Variants in TRAPPC9 observed in about 807,000 individuals in gnomAD.
TRAPPC9 encodes the protein IKK2 binding protein.
A neutral mutation model predicts 124.0 loss-of-function variants in TRAPPC9; 83 were observed. The observed-to-expected ratio is 0.67, with a 90% CI of 0.56 to 0.80. The LOEUF (loss-of-function observed/expected upper bound fraction) is 0.80. Ranked by LOEUF, TRAPPC9 falls within the 30% of genes least tolerant of loss-of-function variation. The probability of loss-of-function intolerance (pLI) is 0.00; values close to 1 mark genes in which losing one functional copy is unlikely to be tolerated. For missense variants in TRAPPC9, 1,302 were observed against 1,508.3 expected (o/e 0.86, Z 2.27); for synonymous variants, 638 against 617.5 (o/e 1.03, Z -0.49).
In TRAPPC9 at chr8:140,311,349, T is replaced by C. The variant is rs2066293590; in HGVS notation, c.1521A>G (p.Leu507=). Residue 507 remains leucine (L), a synonymous_variant, in exon 10 of 23, where the codon CTA becomes CTG. Coordinates refer to ENST00000438773, the MANE Select transcript of TRAPPC9 (RefSeq NM_001160372.4). The part of the protein sequence containing the change: ...DQEKKDVAQS[L]ENYTSKCPGT... The stretch of plus-strand genomic sequence containing the variant: ...CAGGACACTTGGACGTATAGTTCTC[T>C]AGGCTTTGGGCCACATCTTTCTTTT... The C allele has an allele frequency of 8.1e-6, 13 of 1,614,038 alleles. No homozygotes were observed. Among genetic ancestry groups the C allele is most frequent in the Non-Finnish European group, 1.1e-5 (13 of 1,180,018 alleles).
intron 15 of TRAPPC9, among the ~76,000 whole-genome samples, chr8:140,261,428 G>C (rs1198339919): frequency 6.6e-6 from 1 of 152,198 alleles, no homozygotes; most frequent in Non-Finnish European, 1.5e-5. Flanking sequence ...GACCAGATGA[G>C]AGATCAGGCT....
At chr8:140,227,131 A>G (rs1315004440) in intron 16 of TRAPPC9, among the ~76,000 whole-genome samples, 4 of 152,206 alleles carry the variant, frequency 2.6e-5, no homozygotes, top group African/African-American at 9.7e-5. Flanking sequence ...ATACAGGAAC[A>G]GAGCTGGAGA....
chr8:140,366,856 GA>G (rs1409330107), intron 8 of TRAPPC9, among the ~76,000 whole-genome samples: 1 of 152,078 alleles, frequency 6.6e-6, no homozygotes, highest in African/African-American at 2.4e-5. Context: ...CCAAATCATA[GA>G]AAAAACTCTT....
intron 17 of TRAPPC9, among the ~76,000 whole-genome samples, chr8:140,123,905 A>G (rs1206298118): frequency 6.6e-6 from 1 of 152,194 alleles, no homozygotes; most frequent in Non-Finnish European, 1.5e-5. Flanking sequence ...GGTAACAAGC[A>G]GCCTCCAAAT....
At chr8:140,131,352 G>T (rs773470144) in intron 17 of TRAPPC9, among the ~76,000 whole-genome samples, 7 of 152,216 alleles carry the variant, frequency 4.6e-5, no homozygotes, top group Non-Finnish European at 7.3e-5. Flanking sequence ...TGTATTGAGA[G>T]TATCTGCTAA....
intron 17 of TRAPPC9, among the ~76,000 whole-genome samples, chr8:140,144,120 A>T (rs1364926868): frequency 6.6e-6 from 1 of 152,248 alleles, no homozygotes; most frequent in Non-Finnish European, 1.5e-5. Context: ...TAATAGGCCA[A>T]GACCCCTTAA....
chr8:140,002,995 C>CA (rs58183362), intron 18 of TRAPPC9, among the ~76,000 whole-genome samples: 1 of 149,932 alleles, frequency 6.7e-6, no homozygotes, highest in East Asian at 2.0e-4. Flanking sequence ...AAGTAGGATC[C>CA]AAAAAAGGAA....
chr8:140,174,946 T>C (rs1358330070), intron 17 of TRAPPC9, among the ~76,000 whole-genome samples: 1 of 152,040 alleles, frequency 6.6e-6, no homozygotes, highest in African/African-American at 2.4e-5. Flanking sequence ...TGTGGGCTCA[T>C]ATGATAACTA....
At chr8:140,120,961 C>T (rs1315491762) in intron 17 of TRAPPC9, among the ~76,000 whole-genome samples, 1 of 152,276 alleles carries the variant, frequency 6.6e-6, no homozygotes, top group Non-Finnish European at 1.5e-5. Flanking sequence ...AACCATCCAT[C>T]CACCCTTTCA....
At chr8:140,065,270 T>G (rs1842848572) in intron 17 of TRAPPC9, among the ~76,000 whole-genome samples, 1 of 152,094 alleles carries the variant, frequency 6.6e-6, no homozygotes, top group South Asian at 2.1e-4. Context: ...GTTCATGAGG[T>G]TGAAGGAAAG....
At chr8:140,251,053 CA>C (rs2064120732) in intron 16 of TRAPPC9, among the ~76,000 whole-genome samples, 1 of 152,190 alleles carries the variant, frequency 6.6e-6, no homozygotes, top group Non-Finnish European at 1.5e-5. Flanking sequence ...ACTGAACATG[CA>C]AATTCAAACA....
chr8:139,787,194 C>T (rs1822319376), intron 21 of TRAPPC9, among the ~76,000 whole-genome samples: 1 of 152,062 alleles, frequency 6.6e-6, no homozygotes, highest in Non-Finnish European at 1.5e-5. Context: ...CCACCCAGCA[C>T]AGTCACAGCC....
intron 18 of TRAPPC9, among the ~76,000 whole-genome samples, chr8:140,014,322 C>T (rs1476156693): frequency 6.6e-6 from 1 of 152,050 alleles, no homozygotes; most frequent in Non-Finnish European, 1.5e-5. Context: ...ATTTCCATCT[C>T]GTCCCTAACA....
intron 11 of TRAPPC9, among the ~76,000 whole-genome samples, chr8:140,294,942 T>C (rs1257043195): frequency 1.3e-5 from 2 of 152,140 alleles, no homozygotes; most frequent in Non-Finnish European, 2.9e-5. Flanking sequence ...AAGAAGGAGA[T>C]AACCCCTTTC....
chr8:140,277,748 C>A (rs2065169529), intron 14 of TRAPPC9, among the ~76,000 whole-genome samples: 1 of 152,216 alleles, frequency 6.6e-6, no homozygotes, highest in South Asian at 2.1e-4. Context: ...CAAGGTCAGG[C>A]CCCCAGGGAG....
intron 20 of TRAPPC9, among the ~76,000 whole-genome samples, chr8:139,908,015 T>A (rs1274936331): frequency 6.6e-6 from 1 of 152,242 alleles, no homozygotes; most frequent in Non-Finnish European, 1.5e-5. Flanking sequence ...AAGGGTGACG[T>A]GGCCCAGGGC....
chr8:140,455,916 A>G (rs1205129122), intron 1 of TRAPPC9, among the ~76,000 whole-genome samples: 1 of 152,220 alleles, frequency 6.6e-6, no homozygotes, highest in Non-Finnish European at 1.5e-5. Flanking sequence ...GCTAAATACA[A>G]AAGGCCACAT....
Position 140,283,877 on chromosome 8 carries a change from C to T in TRAPPC9, c.2114+12G>A, listed in dbSNP as rs368512631. 33 of 1,613,778 alleles carry T rather than the reference C, an allele frequency of 2.0e-5. No homozygotes were observed. The highest frequency in any genetic ancestry group is 3.3e-5 in the Admixed American group (2 of 59,980). On this transcript the variant is annotated intron_variant, in intron 14 of 22. Transcript: ENST00000438773. ...CAGAGCCACTCTGCTCTGTGACCCTCGTGCACACTACCTGGGCAGAGAGGT... is the reference window on the plus strand; with the variant it reads ...CAGAGCCACTCTGCTCTGTGACCCTTGTGCACACTACCTGGGCAGAGAGGT...
chr8:139,826,399 G>A lies in TRAPPC9; in HGVS notation c.3055+59480C>T, dbSNP rs972628608. 3.3e-5 allele frequency among the ~76,000 whole-genome samples: 5 copies of A among 152,162 alleles called. No individual in the cohort carries two copies. The South Asian group carries it at 6.2e-4, about 19-fold the overall frequency. On this transcript the variant is annotated intron_variant, in intron 21 of 22. Coordinates refer to ENST00000438773, the MANE Select transcript of TRAPPC9 (RefSeq NM_001160372.4). ...TCAGCAGATGGGGGCTGCAGGAGCC[G>A]GCCGGGTGAGCCTGGGCAAGCCATG... is the stretch of plus-strand genomic sequence containing the variant.
Sources: gnomAD v4.1 joint callset for allele counts (sites outside exome capture counted in the v4.1 genomes callset) on GRCh38, gnomAD v4.1.1 for gene constraint, MANE v1.5 for transcripts, NCBI Gene and HGNC (gene_info 2026-07-23, HGNC 2026-07-21) for gene names.